Variants in ATP6V0D1 observed in about 807,000 individuals in gnomAD.
The protein encoded by ATP6V0D1 is ATPase H+ transporting V0 subunit d1.
ATP6V0D1 carries 13 observed loss-of-function variants against 39.0 expected under a neutral mutation model. That is an observed-to-expected ratio of 0.33 (90% confidence interval 0.22 to 0.53). The LOEUF is 0.53. ATP6V0D1 is among the 20% of genes least tolerant of loss of function. The pLI is 0.94. For synonymous variants in ATP6V0D1, 191 were observed against 191.2 expected (o/e 1.00, Z 0.01); for missense variants, 272 against 470.9 (o/e 0.58, Z 3.91).
chr16:67,457,360 T>C (rs2041247978), intron 1 of ATP6V0D1: 1 of 330,568 alleles, frequency 3.0e-6, no homozygotes, highest in Admixed American at 3.9e-5. Context: ...CCAGATCTAG[T>C]TTCCTCCTCT....
chr16:67,479,327 C>T (rs2041443472), intron 1 of ATP6V0D1, among the ~76,000 whole-genome samples: 1 of 151,698 alleles, frequency 6.6e-6, no homozygotes, highest in Non-Finnish European at 1.5e-5. Context: ...AATTCTCCTG[C>T]CTCAGTCTCC....
intron 2 of ATP6V0D1, among the ~76,000 whole-genome samples, chr16:67,445,033 C>A (rs926294843): frequency 1.1e-4 from 17 of 152,320 alleles, no homozygotes; most frequent in Middle Eastern, 3.4e-3. Flanking sequence ...GAATGGGGCA[C>A]AGGAGGTGAG....
At chr16:67,460,232 C>T (rs2041278362) in intron 1 of ATP6V0D1, among the ~76,000 whole-genome samples, 1 of 152,184 alleles carries the variant, frequency 6.6e-6, no homozygotes, top group African/African-American at 2.4e-5. Flanking sequence ...ACCTCCAATG[C>T]TACAACTTCT....
chr16:67,478,000 C>T (rs1265274282), intron 1 of ATP6V0D1, among the ~76,000 whole-genome samples: 1 of 152,078 alleles, frequency 6.6e-6, no homozygotes, highest in African/African-American at 2.4e-5. Context: ...AAGAGGAAAG[C>T]GAAATTCTGG....
At chr16:67,463,021 T>C (rs775934684) in intron 1 of ATP6V0D1, among the ~76,000 whole-genome samples, 6 of 151,986 alleles carry the variant, frequency 3.9e-5, no homozygotes, top group Non-Finnish European at 8.8e-5. Context: ...TCCCTAGAGG[T>C]GGCTGTTCTC....
chr16:67,464,443 A>C (rs1216165475), intron 1 of ATP6V0D1, among the ~76,000 whole-genome samples: 1 of 152,214 alleles, frequency 6.6e-6, no homozygotes, highest in African/African-American at 2.4e-5. Flanking sequence ...AGAGAGCTGG[A>C]TAACGGTACC....
At position 67,438,833 on chromosome 16, in the gene ATP6V0D1, G is replaced by C; in HGVS notation, c.854C>G (p.Pro285Arg). 1 of 1,613,870 alleles carries C rather than the reference G, an allele frequency of 6.2e-7. No homozygotes were observed. Among genetic ancestry groups the C allele is most frequent in the Non-Finnish European group, 8.5e-7 (1 of 1,179,974 alleles). ...TCGGTCCTCCAGCGTCTTGTCTCCA[G>C]GGTTGCTACCTGCACCCTCGAAGAG... is the stretch of plus-strand genomic sequence containing the variant. Reference protein sequence around the residue: ...KLLFEGAGSNPGDKTLEDRFF... With the variant: ...KLLFEGAGSNRGDKTLEDRFF... The change falls in exon 7 of 8, where the codon CCT (proline) becomes CGT (arginine). Residue 285 changes from proline (P) to arginine (R), a missense_variant. Physicochemically the swap from Pro to Arg is moderately radical, Grantham distance 103. This residue lies in a region of ATP6V0D1 where 21 missense variants were observed against 16.5 expected (regional missense o/e 1.27). Coordinates refer to ENST00000290949, the MANE Select transcript of ATP6V0D1 (RefSeq NM_004691.5).
At chr16:67,463,117 T>C (rs922140952) in intron 1 of ATP6V0D1, among the ~76,000 whole-genome samples, 2 of 152,068 alleles carry the variant, frequency 1.3e-5, no homozygotes, top group Non-Finnish European at 2.9e-5. Context: ...AGGAGAAAAG[T>C]AGGAAATACT....
Position 67,444,731 on chromosome 16 carries a change from G to A in ATP6V0D1, c.303-25C>T, listed in dbSNP as rs762911446. 2.6e-6 allele frequency: 4 copies of A among 1,562,840 alleles called. No individual in the cohort carries two copies. The highest frequency in any genetic ancestry group is 2.7e-5 in the African/African-American group (2 of 74,232). Reference sequence around the variant, plus strand: ...ACTACAGGGGGCAGGCAATAGCAAGGAGCCCATCAAGGTGGGGGCCGGGAA... The same window carrying A: ...ACTACAGGGGGCAGGCAATAGCAAGAAGCCCATCAAGGTGGGGGCCGGGAA... On this transcript the variant is annotated intron_variant, in intron 2 of 7. Transcript: ENST00000290949. The surrounding 1 kb of genome is among the most constrained non-coding windows in gnomAD (Gnocchi z 4.8).
At position 67,438,151 on chromosome 16, in the gene ATP6V0D1, C is replaced by A. The variant is rs949502671; in HGVS notation, c.*377G>T. Reference sequence around the variant, plus strand: ...CCATGGGCCATGGCTCTGGGAGCGACCCACAGAAGGGAGAGGAGGCTCAAA... The same window carrying A: ...CCATGGGCCATGGCTCTGGGAGCGAACCACAGAAGGGAGAGGAGGCTCAAA... On this transcript the variant is annotated 3_prime_UTR_variant, in exon 8 of 8. Transcript: ENST00000290949. The A allele has an allele frequency of 3.9e-6, 1 of 259,132 alleles. No individual in the cohort carries two copies. The highest frequency in any genetic ancestry group is 2.3e-5 in the African/African-American group (1 of 44,388). The allele number at this position is 259,132 out of a possible 1,614,324, so 16.1% of individuals were successfully genotyped here.
intron 4 of ATP6V0D1, among the ~76,000 whole-genome samples, chr16:67,442,330 GC>G (rs2041062227): frequency 6.6e-6 from 1 of 152,212 alleles, no homozygotes; most frequent in Non-Finnish European, 1.5e-5. Context: ...TTTGGGGCCT[GC>G]CCACTGCGGA....
intron 4 of ATP6V0D1, among the ~76,000 whole-genome samples, chr16:67,442,234 C>T (rs539016904): frequency 5.9e-5 from 9 of 152,370 alleles, no homozygotes; most frequent in African/African-American, 1.9e-4. Context: ...TCAGCCAGCT[C>T]GCTCCAACCA....
At chr16:67,463,380 G>A (rs1018978964) in intron 1 of ATP6V0D1, among the ~76,000 whole-genome samples, 1 of 152,012 alleles carries the variant, frequency 6.6e-6, no homozygotes, top group Non-Finnish European at 1.5e-5. Context: ...AAAATACAAA[G>A]ATTAGCCAGA....
Position 67,447,085 on chromosome 16 carries a change from C to T in ATP6V0D1, c.303-2379G>A, listed in dbSNP as rs933542227. 2.6e-5 allele frequency among the ~76,000 whole-genome samples: 4 copies of T among 152,154 alleles called. No homozygotes were observed. Among genetic ancestry groups the T allele is most frequent in the Admixed American group, 1.3e-4 (2 of 15,284 alleles). On this transcript the variant is annotated intron_variant, in intron 2 of 7. Coordinates refer to ENST00000290949, the MANE Select transcript of ATP6V0D1 (RefSeq NM_004691.5). The surrounding 1 kb of genome is among the most constrained non-coding windows in gnomAD (Gnocchi z 4.1). ...CACCAGCCAATCTCCTCTTTTTCAA[C>T]GTCCCCCTCCTTGCGCCCCCCACTC...
intron 1 of ATP6V0D1, among the ~76,000 whole-genome samples, chr16:67,473,783 A>T (rs1305975329): frequency 6.6e-6 from 1 of 152,156 alleles, no homozygotes; most frequent in Non-Finnish European, 1.5e-5. Context: ...TCGGCCTCCC[A>T]AAGTGCTGGG....
At chr16:67,471,443 G>A (rs575778453) in intron 1 of ATP6V0D1, among the ~76,000 whole-genome samples, 1 of 152,112 alleles carries the variant, frequency 6.6e-6, no homozygotes, top group East Asian at 1.9e-4. Context: ...ACCTGCCTCA[G>A]CCTCCTAAAG....
intron 2 of ATP6V0D1, among the ~76,000 whole-genome samples, chr16:67,446,849 C>T (rs1597570977): frequency 6.6e-6 from 1 of 152,092 alleles, no homozygotes; most frequent in South Asian, 2.1e-4. Flanking sequence ...CAAGGCCCAC[C>T]TTATCCAAGT....
At chr16:67,477,006 G>A (rs2041419822) in intron 1 of ATP6V0D1, among the ~76,000 whole-genome samples, 1 of 134,254 alleles carries the variant, frequency 7.4e-6, no homozygotes, top group South Asian at 2.5e-4. Context: ...GGGTGACAGA[G>A]TGAGACTCTG....
chr16:67,438,777 G>A lies in ATP6V0D1; in HGVS notation c.894+16C>T, dbSNP rs549838985. 1.8e-5 allele frequency: 29 copies of A among 1,614,104 alleles called. 2 individuals carry two copies. In the South Asian group the frequency reaches 3.0e-4, roughly 16 times the overall value. On this transcript the variant is annotated intron_variant, in intron 7 of 7. Transcript: ENST00000290949. ...CAGGTTGGCCTCCCTCTGACAAGCAGACCCTGCAGACTCACCTCGTGCTCA... is the reference window on the plus strand; with the variant it reads ...CAGGTTGGCCTCCCTCTGACAAGCAAACCCTGCAGACTCACCTCGTGCTCA...
Sources: gnomAD v4.1 joint callset for allele counts (sites outside exome capture counted in the v4.1 genomes callset) on GRCh38, gnomAD v4.1.1 for gene constraint, gnomAD v4.1.1 regional missense constraint, Gnocchi (gnomAD v3.1) non-coding constraint, MANE v1.5 for transcripts, NCBI Gene and HGNC (gene_info 2026-07-23, HGNC 2026-07-21) for gene names.